Variants in PLB1 observed in about 807,000 individuals in gnomAD.
PLB1 encodes phospholipase B1.
In PLB1, 242 loss-of-function variants were observed where a neutral mutation model predicts 227.4. That is an observed-to-expected ratio of 1.06 (90% CI 0.96 to 1.18). The LOEUF (loss-of-function observed/expected upper bound fraction) is 1.18. Among genes scored for constraint, PLB1 ranks in the 50% most tolerant of loss-of-function variants. The pLI is 0.00. For missense variants in PLB1, 1,858 were observed against 1,816.3 expected (o/e 1.02, Z -0.42); for synonymous variants, 757 against 682.2 (o/e 1.11, Z -1.71).
intron 16 of PLB1, among the ~76,000 whole-genome samples, chr2:28,551,259 C>CCCTGACGGGCGCT (rs1674205323): frequency 6.6e-6 from 1 of 152,172 alleles, no homozygotes; most frequent in Non-Finnish European, 1.5e-5. Flanking sequence ...GGTAGGGGGC[C>CCCTGACGGGCGCT]CCTGACGGGC....
At chr2:28,636,011 A>ATGTG (rs1553467681) in intron 56 of PLB1, among the ~76,000 whole-genome samples, 1 of 98,516 alleles carries the variant, frequency 1.0e-5, no homozygotes, top group South Asian at 4.1e-4. Context: ...ATGTGTATGT[A>ATGTG]TGTATGAATG....
Position 28,541,715 on chromosome 2 carries a change from G to A in PLB1, c.783G>A (p.Trp261Ter), listed in dbSNP as rs1427117549. The A allele has an allele frequency of 1.2e-6, 2 of 1,613,770 alleles. No individual in the cohort carries two copies. Among genetic ancestry groups the A allele is most frequent in the Non-Finnish European group, 1.7e-6 (2 of 1,179,858 alleles). ...TCTGCTCCCTTCTCCAGGAAGCCTG[G>A]AACAGCCTCCTGGCCTCCAGCAGGT... is the stretch of plus-strand genomic sequence containing the variant. The part of the protein sequence containing the change: ...VVMQWSYQEA[W>*]NSLLASSRYS... The change falls in exon 13 of 58, where the codon TGG becomes TGA. Residue 261 changes from tryptophan (W) to a stop codon, truncating the protein, a stop_gained. Coordinates refer to ENST00000327757, the MANE Select transcript of PLB1 (RefSeq NM_153021.5). LOFTEE classifies it high-confidence loss of function.
intron 1 of PLB1, among the ~76,000 whole-genome samples, chr2:28,510,492 C>T (rs980932461): frequency 7.9e-5 from 12 of 152,130 alleles, no homozygotes; most frequent in African/African-American, 2.7e-4. Flanking sequence ...GGCATCCAAC[C>T]TATCAGATCC....
Position 28,582,092 on chromosome 2 carries a change from A to T in PLB1, c.1591A>T (p.Thr531Ser). ...GGTCCACTATTCTCCCCAGAACTTC[A>T]CAGACAACATTGGAAAGGCCCTGGA... ...DLVHYSPQNFTDNIGKALDIL... is the reference protein window; with the variant it reads ...DLVHYSPQNFSDNIGKALDIL... The change falls in exon 24 of 58, where the codon ACA becomes TCA. Residue 531 changes from threonine (T) to serine (S), a missense_variant. Coordinates refer to ENST00000327757, the MANE Select transcript of PLB1 (RefSeq NM_153021.5). The T allele has an allele frequency of 1.9e-6, 3 of 1,614,012 alleles. No individual in the cohort carries two copies. Among genetic ancestry groups the T allele is most frequent in the Non-Finnish European group, 2.5e-6 (3 of 1,179,906 alleles).
chr2:28,529,852 A>G (rs1670787570), intron 8 of PLB1, 73 bp downstream of exon 8: 3 of 1,452,222 alleles, frequency 2.1e-6, no homozygotes, highest in African/African-American at 2.8e-5. Flanking sequence ...CGAAGTGATG[A>G]TGACCCTCGT....
chr2:28,534,346 A>T (rs1671395908), intron 9 of PLB1, among the ~76,000 whole-genome samples: 1 of 152,214 alleles, frequency 6.6e-6, no homozygotes, highest in Non-Finnish European at 1.5e-5. Flanking sequence ...TGATTTTCAA[A>T]TTGTGGACTG....
chr2:28,500,327 T>A (rs543628398), intron 1 of PLB1, among the ~76,000 whole-genome samples: 1 of 152,234 alleles, frequency 6.6e-6, no homozygotes, highest in South Asian at 2.1e-4. Context: ...TAGTTGGTGA[T>A]GCCAAATTTG....
chr2:28,544,507 G>A (rs565335130), intron 14 of PLB1, among the ~76,000 whole-genome samples: 1 of 152,308 alleles, frequency 6.6e-6, no homozygotes, highest in South Asian at 2.1e-4. Context: ...CCCTGCCCTT[G>A]TACCCTCCAT....
chr2:28,545,649 G>C (rs1026634668), intron 14 of PLB1, among the ~76,000 whole-genome samples: 1 of 152,184 alleles, frequency 6.6e-6, no homozygotes, highest in Non-Finnish European at 1.5e-5. Flanking sequence ...AAATATGGGA[G>C]GGCATTGGGC....
At chr2:28,614,147 G>T (rs1287063986) in intron 44 of PLB1, 51 bp downstream of exon 44, 4 of 1,504,346 alleles carry the variant, frequency 2.7e-6, no homozygotes, top group Non-Finnish European at 2.8e-6. Context: ...ATTTCCACCT[G>T]CCAGGGGCTC....
intron 37 of PLB1, 77 bp downstream of exon 37, chr2:28,601,409 A>G (rs942807833): frequency 8.0e-7 from 1 of 1,256,380 alleles, no homozygotes; most frequent in Admixed American, 1.9e-5. Flanking sequence ...CCCTGAGAAC[A>G]GTTCCTAAAA....
intron 10 of PLB1, 64 bp from the exon 11 acceptor site, chr2:28,539,035 C>T (rs1672097944): frequency 1.4e-6 from 2 of 1,380,704 alleles, no homozygotes; most frequent in Admixed American, 1.7e-5. Context: ...GCAGGAGTTC[C>T]AGAAAGCCCG....
intron 44 of PLB1, among the ~76,000 whole-genome samples, chr2:28,614,632 A>G (rs907564220): frequency 6.6e-6 from 1 of 152,182 alleles, no homozygotes; most frequent in African/African-American, 2.4e-5. Flanking sequence ...CGGCCACTGC[A>G]AAGACGGCCT....
Position 28,525,350 on chromosome 2 carries a change from AT to A in PLB1, c.284+44del, listed in dbSNP as rs780813958. ...ACAGAAAACAGAAAGGAGCCCGGAGATGCTCCCATCTAATCTTCTTGCCTTA... is the reference window on the plus strand; with the variant it reads ...ACAGAAAACAGAAAGGAGCCCGGAGAGCTCCCATCTAATCTTCTTGCCTTA... On this transcript the variant is annotated intron_variant, in intron 5 of 57. Coordinates refer to ENST00000327757, the MANE Select transcript of PLB1 (RefSeq NM_153021.5). 7.6e-6 allele frequency: 12 copies of A among 1,587,940 alleles called. No individual in the cohort carries two copies. The East Asian group carries it at 2.5e-4, about 33-fold the overall frequency.
intron 26 of PLB1, among the ~76,000 whole-genome samples, chr2:28,587,506 A>C (rs1558840528): frequency 1.3e-5 from 2 of 152,022 alleles, no homozygotes; most frequent in Non-Finnish European, 2.9e-5. Context: ...GCTACTCGGG[A>C]GGCTGAGGTG....
At chr2:28,584,433 C>T (rs752272349) in intron 25 of PLB1, among the ~76,000 whole-genome samples, 3 of 152,250 alleles carry the variant, frequency 2.0e-5, no homozygotes, top group Non-Finnish European at 4.4e-5. Flanking sequence ...GACTCATCCG[C>T]TGGCTCACAC....
chr2:28,582,625 A>C, intron 25 of PLB1, 120 bp downstream of exon 25: 2 of 742,054 alleles, frequency 2.7e-6, no homozygotes, highest in Admixed American at 2.5e-5. Flanking sequence ...TGACCACCCC[A>C]TCTTCTAACC....
At chr2:28,641,048 G>A (rs766984644) in intron 57 of PLB1, 47 bp downstream of exon 57, 63 of 1,572,900 alleles carry the variant, frequency 4.0e-5, no homozygotes, top group Non-Finnish European at 5.3e-5. Flanking sequence ...TGCCTGGGGT[G>A]GGGGTTGTCC....
chr2:28,499,767 C>G (rs985442608), intron 1 of PLB1, among the ~76,000 whole-genome samples: 2 of 152,048 alleles, frequency 1.3e-5, no homozygotes, highest in Non-Finnish European at 2.9e-5. Context: ...TGCCTGTAAT[C>G]CCAGCTGTTC....
Sources: allele counts gnomAD v4.1 joint callset (sites outside exome capture counted in the v4.1 genomes callset), GRCh38; gene constraint gnomAD v4.1.1; transcripts MANE v1.5; gene names NCBI Gene and HGNC (gene_info 2026-07-23, HGNC 2026-07-21).